SNX18: variants seen among roughly 807,000 people sequenced by gnomAD.
SNX18 encodes sorting nexin-18.
In SNX18, 35 loss-of-function variants were observed where a neutral mutation model predicts 48.7. The observed-to-expected ratio is 0.72, with a 90% CI of 0.55 to 0.95. The LOEUF is 0.95. SNX18 is among the 40% of genes least tolerant of loss of function. The pLI is 0.00. For synonymous variants in SNX18, 492 were observed against 384.7 expected, an observed-to-expected ratio of 1.28 and a Z score of -3.26; for missense variants, 824 against 871.0, an observed-to-expected ratio of 0.95 and a Z score of 0.68.
At chr5:54,623,020 T>C in the SNX18 span, among the ~76,000 whole-genome samples, 11 of 152,334 alleles carry the variant, frequency 7.2e-5, no homozygotes, top group African/African-American at 2.6e-4. Context: ...GTTCTTTCAT[T>C]CATATCAATA....
the SNX18 span, among the ~76,000 whole-genome samples, chr5:54,560,556 T>C: frequency 0.74 from 112,830 of 151,460 alleles, 42,340 homozygotes; most frequent in Non-Finnish European, 0.79. Context: ...TGAAATAGTC[T>C]GTACAACAAA....
chr5:54,582,008 T>C, the SNX18 span, among the ~76,000 whole-genome samples: 1 of 152,200 alleles, frequency 6.6e-6, no homozygotes, highest in Non-Finnish European at 1.5e-5. Context: ...ATCTGGAATA[T>C]GAGTGCCAAG....
At chr5:54,550,337 A>G (rs983845871), downstream of SNX18, among the ~76,000 whole-genome samples, 8 of 152,172 alleles carry the variant, frequency 5.3e-5, no homozygotes, top group Non-Finnish European at 8.8e-5. Flanking sequence ...CCCAGAATCA[A>G]TGGAAAGAAA....
At position 54,518,483 on chromosome 5, in the gene SNX18, G is replaced by A. The variant is rs1180299080; in HGVS notation, c.531G>A (p.Pro177=). The A allele has an allele frequency of 4.5e-6, 7 of 1,569,624 alleles. No homozygotes were observed. In the African/African-American group the frequency reaches 6.8e-5, roughly 15 times the overall value. Residue 177 remains proline (P), a synonymous_variant, in exon 1 of 2, where the codon CCG becomes CCA. Transcript: ENST00000381410. ...EPGALGSGAY[P]DLDGSSSAGV... is the part of the protein sequence containing the mutation. The stretch of plus-strand genomic sequence containing the variant: ...GCGCTCTGGGCAGCGGAGCATACCC[G>A]GACCTCGACGGCTCGTCTTCGGCGG...
chr5:54,568,328 C>CA, the SNX18 span, among the ~76,000 whole-genome samples: 1 of 152,200 alleles, frequency 6.6e-6, no homozygotes, highest in African/African-American at 2.4e-5. Context: ...GTAGAAACAA[C>CA]ATTGGCAGTC....
At chr5:54,596,017 C>G in the SNX18 span, among the ~76,000 whole-genome samples, 26 of 152,138 alleles carry the variant, frequency 1.7e-4, no homozygotes, top group African/African-American at 6.0e-4. Context: ...CCTCCCAAAT[C>G]TCTTCTTGGC....
At chr5:54,602,122 C>G in the SNX18 span, among the ~76,000 whole-genome samples, 1 of 152,162 alleles carries the variant, frequency 6.6e-6, no homozygotes, top group Non-Finnish European at 1.5e-5. Flanking sequence ...AATGGCCATC[C>G]CTCAAGGCAG....
At chr5:54,558,953 A>G in the SNX18 span, among the ~76,000 whole-genome samples, 1 of 152,106 alleles carries the variant, frequency 6.6e-6, no homozygotes, top group African/African-American at 2.4e-5. Flanking sequence ...AAACTAACTT[A>G]AAAGAGTGAC....
At chr5:54,594,558 C>T in the SNX18 span, among the ~76,000 whole-genome samples, 2 of 152,156 alleles carry the variant, frequency 1.3e-5, no homozygotes, top group South Asian at 2.1e-4. Flanking sequence ...TTATGCTAAA[C>T]ATCTGCTTTC....
At chr5:54,601,497 T>A in the SNX18 span, among the ~76,000 whole-genome samples, 1 of 152,136 alleles carries the variant, frequency 6.6e-6, no homozygotes, top group Non-Finnish European at 1.5e-5. Flanking sequence ...CTGGGAAGAA[T>A]TTCTGTCCCA....
intron 1 of SNX18, among the ~76,000 whole-genome samples, chr5:54,532,920 TTG>T (rs1210366177): frequency 1.3e-5 from 2 of 152,222 alleles, no homozygotes; most frequent in African/African-American, 4.8e-5. Context: ...AAGTGAATAT[TTG>T]TATTCAAACT....
the SNX18 span, among the ~76,000 whole-genome samples, chr5:54,625,148 T>C: frequency 6.6e-6 from 1 of 152,274 alleles, no homozygotes; most frequent in Non-Finnish European, 1.5e-5. Context: ...CAGGCCATAG[T>C]GTGTATGAGG....
the SNX18 span, among the ~76,000 whole-genome samples, chr5:54,586,004 CAAA>C: frequency 3.9e-5 from 3 of 76,746 alleles, no homozygotes; most frequent in African/African-American, 4.2e-5. Context: ...GACTCCGTCT[CAAA>C]AAAAAAAAAA....
At chr5:54,524,083 C>T (rs530838988) in intron 1 of SNX18, among the ~76,000 whole-genome samples, 63 of 152,294 alleles carry the variant, frequency 4.1e-4, no homozygotes, top group Admixed American at 7.8e-4. Flanking sequence ...GCATTTACCC[C>T]CAGCTGTTCT....
the SNX18 span, among the ~76,000 whole-genome samples, chr5:54,587,284 G>T: frequency 1.3e-5 from 2 of 152,210 alleles, no homozygotes; most frequent in Admixed American, 1.3e-4. Context: ...GTAAACAAAA[G>T]GTTATAAACA....
chr5:54,646,948 C>T, the SNX18 span, among the ~76,000 whole-genome samples: 5 of 152,140 alleles, frequency 3.3e-5, no homozygotes, highest in African/African-American at 9.7e-5. Context: ...ACTGGCGGCT[C>T]GAAGCGGTAT....
At chr5:54,543,075 T>C (rs1441797768) in intron 1 of SNX18, 104 bp from the exon 2 acceptor site, 8 of 1,121,220 alleles carry the variant, frequency 7.1e-6, no homozygotes, top group Non-Finnish European at 9.8e-6. Flanking sequence ...TGAAAATAGT[T>C]TGGGCAACTA....
chr5:54,568,476 T>C, the SNX18 span, among the ~76,000 whole-genome samples: 1 of 152,194 alleles, frequency 6.6e-6, no homozygotes, highest in South Asian at 2.1e-4. Context: ...GAACCCCTAC[T>C]TGACTCATTG....
At chr5:54,576,929 G>A in the SNX18 span, among the ~76,000 whole-genome samples, 3 of 152,238 alleles carry the variant, frequency 2.0e-5, no homozygotes. Context: ...AGCCTCCCGA[G>A]TAGCTGGGAT....
Sources: gnomAD v4.1 joint callset for allele counts (sites outside exome capture counted in the v4.1 genomes callset) on GRCh38, gnomAD v4.1.1 for gene constraint, MANE v1.5 for transcripts, NCBI Gene and HGNC (gene_info 2026-07-23, HGNC 2026-07-21) for gene names.